Variants in DDR2 observed in about 807,000 individuals in gnomAD.
DDR2 encodes discoidin domain-containing receptor 2.
A neutral mutation model predicts 94.9 loss-of-function variants in DDR2; 27 were observed. That is an observed-to-expected ratio of 0.28 (90% CI 0.21 to 0.39). The LOEUF is 0.39. DDR2 is among the 10% of genes least tolerant of loss of function. The pLI, the probability that DDR2 is intolerant of heterozygous loss-of-function variation, is 1.00. For synonymous variants in DDR2, 382 were observed against 377.2 expected, an observed-to-expected ratio of 1.01 and a Z score of -0.15; for missense variants, 783 against 1,076.0, an observed-to-expected ratio of 0.73 and a Z score of 3.81.
intron 2 of DDR2, among the ~76,000 whole-genome samples, chr1:162,683,738 A>G (rs1223790017): frequency 6.6e-6 from 1 of 151,764 alleles, no homozygotes; most frequent in Non-Finnish European, 1.5e-5. Flanking sequence ...AAATAAACAG[A>G]GAGACATACT....
chr1:162,753,221 G>A, intron 4 of DDR2, 24 bp downstream of exon 4: 1 of 1,606,630 alleles, frequency 6.2e-7, no homozygotes, highest in Non-Finnish European at 8.5e-7. Context: ...CATCAAGAAA[G>A]CCCATGTTCT....
chr1:162,719,309 C>G (rs1661306890), intron 3 of DDR2, 164 bp downstream of exon 3: 6 of 810,676 alleles, frequency 7.4e-6, no homozygotes, highest in Non-Finnish European at 8.9e-6. Flanking sequence ...AATGAATATA[C>G]TTTATATATA....
At chr1:162,755,533 A>C in intron 6 of DDR2, 131 bp from the exon 7 acceptor site, 1 of 1,063,220 alleles carries the variant, frequency 9.4e-7, no homozygotes. Flanking sequence ...ACTCCTCCAA[A>C]GTCTTCCCTC....
intron 8 of DDR2, among the ~76,000 whole-genome samples, chr1:162,760,539 TATATGTATATACATATACAACTAG>T (rs1663675649): frequency 7.5e-5 from 11 of 146,318 alleles, no homozygotes; most frequent in Middle Eastern, 3.6e-3. Flanking sequence ...TACAACTAGA[TATATGTATATACATATACAACTAG>T]ATATATGTAT....
chr1:162,696,257 C>G (rs1213563558), intron 2 of DDR2, among the ~76,000 whole-genome samples: 1 of 140,940 alleles, frequency 7.1e-6, no homozygotes, highest in Admixed American at 7.2e-5. Context: ...TTTCACCAAA[C>G]AAGGGTTCAT....
In DDR2 at chr1:162,772,113, G is replaced by A. The variant is rs1224197415; in HGVS notation, c.1594G>A (p.Val532Met). The change falls in exon 13 of 18, where the codon GTG (valine) becomes ATG (methionine). Residue 532 changes from valine (V) to methionine (M), a missense_variant. Physicochemically the swap from Val to Met is conservative, Grantham distance 21. Transcript: ENST00000367921. ...GGCTGACATAGTGAACCTCCAAGGAGTGACAGGAGGCAACACATACTCAGT... is the reference window on the plus strand; with the variant it reads ...GGCTGACATAGTGAACCTCCAAGGAATGACAGGAGGCAACACATACTCAGT... ...AEADIVNLQG[V>M]TGGNTYSVPA... 6.2e-7 allele frequency: 1 copy of A among 1,614,090 alleles called. No individual in the cohort carries two copies. Among genetic ancestry groups the A allele is most frequent in the Non-Finnish European group, 8.5e-7 (1 of 1,180,048 alleles).
intron 3 of DDR2, among the ~76,000 whole-genome samples, chr1:162,750,719 G>A (rs1001510516): frequency 1.3e-5 from 2 of 152,172 alleles, no homozygotes; most frequent in African/African-American, 4.8e-5. Context: ...CAAAGCTGGA[G>A]GCATCACACT....
chr1:162,706,445 G>A (rs190136200), intron 2 of DDR2, among the ~76,000 whole-genome samples: 2 of 152,332 alleles, frequency 1.3e-5, no homozygotes, highest in East Asian at 1.9e-4. Context: ...AGGAGCAAGA[G>A]TTTGAAGGAA....
intron 3 of DDR2, among the ~76,000 whole-genome samples, chr1:162,750,256 C>A (rs1188638768): frequency 6.6e-6 from 1 of 152,172 alleles, no homozygotes; most frequent in East Asian, 1.9e-4. Flanking sequence ...ATCATCTCAG[C>A]CCCAAATCTC....
chr1:162,713,937 G>T (rs1255086883), intron 2 of DDR2, among the ~76,000 whole-genome samples: 1 of 152,118 alleles, frequency 6.6e-6, no homozygotes, highest in African/African-American at 2.4e-5. Context: ...CAGAGTATGA[G>T]AGTATGCATT....
In DDR2 at chr1:162,775,724, G is replaced by T. The variant is rs182495290; in HGVS notation, c.1929G>T (p.Val643=). Residue 643 remains valine (V), a synonymous_variant, in exon 15 of 18, where the codon GTG becomes GTT. Coordinates refer to ENST00000367921, the MANE Select transcript of DDR2 (RefSeq NM_006182.4). The part of the protein sequence containing the change: ...KDPNIIHLLA[V]CITDDPLCMI... ...CAAACATCATCCATCTATTAGCTGT[G>T]TGTATCACTGATGACCCTCTCTGTA... 3.1e-6 allele frequency: 5 copies of T among 1,614,130 alleles called. No homozygotes were observed. The African/African-American group carries it at 5.3e-5, about 17-fold the overall frequency.
At chr1:162,776,605 T>C (rs1204578496) in intron 16 of DDR2, among the ~76,000 whole-genome samples, 1 of 152,202 alleles carries the variant, frequency 6.6e-6, no homozygotes, top group Non-Finnish European at 1.5e-5. Flanking sequence ...GTATAAGAGA[T>C]TTATTATCTT....
rs1054509157 is a variant in DDR2 at position 162,780,910 on chromosome 1, G to A, written c.*664G>A. On this transcript the variant is annotated 3_prime_UTR_variant, in exon 18 of 18. Transcript: ENST00000367921. ...CATATATGAAACAACTGGGGATGTAGATAGGAAAGAATGTCTGCTGCAAGA... is the reference window on the plus strand; with the variant it reads ...CATATATGAAACAACTGGGGATGTAAATAGGAAAGAATGTCTGCTGCAAGA... 3 of 152,414 alleles carry A rather than the reference G, an allele frequency of 2.0e-5. No individual in the cohort carries two copies. The highest frequency in any genetic ancestry group is 4.4e-5 in the Non-Finnish European group (3 of 68,382). 9.4% of individuals were successfully genotyped at this position (152,414 alleles called of 1,614,324 possible).
intron 3 of DDR2, among the ~76,000 whole-genome samples, chr1:162,750,313 A>G (rs1409432183): frequency 6.6e-6 from 1 of 152,218 alleles, no homozygotes; most frequent in Non-Finnish European, 1.5e-5. Context: ...TACAAAATCA[A>G]TGTGCAAAAA....
rs1019532367 is a variant in DDR2, at chr1:162,783,323, T to C, written c.*3077T>C. 3.3e-5 allele frequency: 5 copies of C among 151,988 alleles called. No individual in the cohort carries two copies. Among genetic ancestry groups the C allele is most frequent in the Non-Finnish European group, 7.3e-5 (5 of 68,030 alleles). The allele number at this position is 151,988 out of a possible 1,614,324, so 9.4% of individuals were successfully genotyped here. ...GGTGCCTGAGGAGCAAAATGTGGTT[T>C]TAATGTTGTGGAAAGATCACTTGCA... is the stretch of plus-strand genomic sequence containing the variant. On this transcript the variant is annotated 3_prime_UTR_variant, in exon 18 of 18. Coordinates refer to ENST00000367921, the MANE Select transcript of DDR2 (RefSeq NM_006182.4).
At position 162,757,470 on chromosome 1, in the gene DDR2, G is replaced by A. The variant is rs142076213; in HGVS notation, c.671+1701G>A. 1.7e-3 allele frequency among the ~76,000 whole-genome samples: 252 copies of A among 152,210 alleles called. 7 individuals are homozygous for A. The East Asian group carries it at 0.042, about 25-fold the overall frequency. On this transcript the variant is annotated intron_variant, in intron 7 of 17. Coordinates refer to ENST00000367921, the MANE Select transcript of DDR2 (RefSeq NM_006182.4). ...AGAAATCAACAGTTTATTTAACCAC[G>A]GGCCATATTTATGTGGCAAAGTAGT...
intron 2 of DDR2, among the ~76,000 whole-genome samples, chr1:162,658,405 T>G (rs1004230145): frequency 1.3e-5 from 2 of 152,180 alleles, no homozygotes; most frequent in Non-Finnish European, 2.9e-5. Context: ...GTCTGAAATT[T>G]GGGACGATGG....
At chr1:162,652,668 T>C (rs1657763269) in intron 1 of DDR2, among the ~76,000 whole-genome samples, 1 of 152,250 alleles carries the variant, frequency 6.6e-6, no homozygotes, top group African/African-American at 2.4e-5. Context: ...AGGAACATTT[T>C]GTACATAATT....
chr1:162,690,332 C>T (rs1459336971), intron 2 of DDR2, among the ~76,000 whole-genome samples: 1 of 152,110 alleles, frequency 6.6e-6, no homozygotes, highest in Non-Finnish European at 1.5e-5. Context: ...TTAACCACTC[C>T]TCTAGGGTGG....
Sources: gnomAD v4.1 joint callset for allele counts (sites outside exome capture counted in the v4.1 genomes callset) on GRCh38, gnomAD v4.1.1 for gene constraint, MANE v1.5 for transcripts, NCBI Gene and HGNC (gene_info 2026-07-23, HGNC 2026-07-21) for gene names.